GDAP2: variants seen among roughly 807,000 people sequenced by gnomAD.
The protein encoded by GDAP2 is ganglioside induced differentiation associated protein 2.
In GDAP2, 51 loss-of-function variants were observed where a neutral mutation model predicts 67.0. The observed-to-expected ratio is 0.76, with a 90% CI of 0.61 to 0.96. The LOEUF is 0.96. Among genes scored for constraint, GDAP2 ranks in the 40% least tolerant of loss-of-function variants. The probability of loss-of-function intolerance (pLI) is 0.00; values close to 1 mark genes in which losing one functional copy is unlikely to be tolerated. For missense variants in GDAP2, 547 were observed against 588.3 expected, an observed-to-expected ratio of 0.93 and a Z score of 0.73; for synonymous variants, 203 against 207.3, an observed-to-expected ratio of 0.98 and a Z score of 0.18.
At chr1:117,877,171 A>C (rs939172034) in intron 13 of GDAP2, 6 of 389,044 alleles carry the variant, frequency 1.5e-5, no homozygotes, top group African/African-American at 1.3e-4. Flanking sequence ...TTTACTCTGC[A>C]CATAAGGGGA....
intron 5 of GDAP2, among the ~76,000 whole-genome samples, chr1:117,910,278 A>G (rs968035920): frequency 1.3e-5 from 2 of 152,144 alleles, no homozygotes; most frequent in Non-Finnish European, 2.9e-5. Context: ...AACGGACACC[A>G]CACTACCTAA....
In GDAP2 at chr1:117,920,387, A is replaced by C. The variant is rs75592169; in HGVS notation, c.-30T>G. 1,988 of 1,488,708 alleles carry C rather than the reference A, an allele frequency of 1.3e-3. 22 individuals carry two copies. The African/African-American group carries it at 0.024, about 18-fold the overall frequency. The allele number at this position is 1,488,708 out of a possible 1,614,324, so 92.2% of individuals were successfully genotyped here. On this transcript the variant is annotated 5_prime_UTR_variant, in exon 2 of 14. Transcript: ENST00000369443. ...TGGGAACTTTGATTTGTCTTTTCCC[A>C]AAATCCTCAGCAATTCAATATTCAC... is the stretch of plus-strand genomic sequence containing the variant.
At chr1:117,884,181 T>G (rs550947327) in intron 10 of GDAP2, among the ~76,000 whole-genome samples, 1 of 152,124 alleles carries the variant, frequency 6.6e-6, no homozygotes, top group African/African-American at 2.4e-5. Flanking sequence ...TTAGTGCTGA[T>G]CTGAAGGAGG....
At chr1:117,911,387 T>C (rs1649851158) in intron 5 of GDAP2, among the ~76,000 whole-genome samples, 1 of 152,214 alleles carries the variant, frequency 6.6e-6, no homozygotes, top group Non-Finnish European at 1.5e-5. Flanking sequence ...GTTATACAAA[T>C]ATGATATCAT....
intron 2 of GDAP2, 113 bp downstream of exon 2, chr1:117,920,069 A>G (rs1650189899): frequency 6.4e-6 from 4 of 627,708 alleles, no homozygotes; most frequent in South Asian, 4.5e-5. Flanking sequence ...CAATAAAGTC[A>G]TATACGTATA....
chr1:117,868,732 A>G lies in GDAP2; in HGVS notation c.*1837T>C, dbSNP rs909211670. The G allele has an allele frequency of 6.6e-6, 1 of 152,044 alleles. No individual in the cohort carries two copies. The highest frequency in any genetic ancestry group is 1.5e-5 in the Non-Finnish European group (1 of 68,014). The allele number at this position is 152,044 out of a possible 1,614,324, so 9.4% of individuals were successfully genotyped here. A position where few individuals can be genotyped will look rare whatever the true frequency, so the allele number is the denominator to read the frequency against. On this transcript the variant is annotated 3_prime_UTR_variant, in exon 14 of 14. Transcript: ENST00000369443. ...TTAAAGTTGCAGACTTTTAAGGTAC[A>G]GTGCCCAAGGGGTTAAAAAAAAAGT...
chr1:117,906,691 A>T, intron 5 of GDAP2, 109 bp from the exon 6 acceptor site: 1 of 646,520 alleles, frequency 1.5e-6, no homozygotes, highest in South Asian at 1.9e-5. Flanking sequence ...TTCTCACTTC[A>T]TTCAGCACTC....
chr1:117,911,467 A>C (rs1649853035), intron 5 of GDAP2, among the ~76,000 whole-genome samples: 1 of 152,214 alleles, frequency 6.6e-6, no homozygotes, highest in Non-Finnish European at 1.5e-5. Flanking sequence ...TCAATGCATT[A>C]GCCATACTTT....
chr1:117,924,118 T>C (rs1489169678), intron 1 of GDAP2, among the ~76,000 whole-genome samples: 2 of 152,238 alleles, frequency 1.3e-5, no homozygotes, highest in Non-Finnish European at 1.5e-5. Context: ...TCTCTTCTTT[T>C]CTCTTAGTTC....
chr1:117,918,432 T>C (rs1364177271), intron 3 of GDAP2, among the ~76,000 whole-genome samples, 165 bp downstream of exon 3: 1 of 152,226 alleles, frequency 6.6e-6, no homozygotes, highest in Non-Finnish European at 1.5e-5. Context: ...CAAAATGTAA[T>C]GAATTTTGTT....
intron 8 of GDAP2, among the ~76,000 whole-genome samples, chr1:117,887,990 T>C (rs935505643): frequency 6.6e-6 from 1 of 152,132 alleles, no homozygotes; most frequent in African/African-American, 2.4e-5. Flanking sequence ...AAGGAAGGTG[T>C]TCATTATTTT....
intron 11 of GDAP2, 114 bp from the exon 12 acceptor site, chr1:117,881,991 T>A: frequency 1.6e-6 from 1 of 614,528 alleles, no homozygotes; most frequent in South Asian, 2.1e-5. Context: ...CAGAGAAAAA[T>A]AAAGACAGCT....
chr1:117,907,439 G>A (rs1018017769), intron 5 of GDAP2, among the ~76,000 whole-genome samples: 1 of 152,064 alleles, frequency 6.6e-6, no homozygotes, highest in Non-Finnish European at 1.5e-5. Flanking sequence ...AACTCACAGA[G>A]ACCTCAAATT....
chr1:117,907,195 G>A (rs927748096), intron 5 of GDAP2, among the ~76,000 whole-genome samples: 2 of 152,032 alleles, frequency 1.3e-5, no homozygotes, highest in Non-Finnish European at 1.5e-5. Flanking sequence ...TTAACTCATT[G>A]GATCTCTCCC....
chr1:117,888,629 T>C (rs1257252135), intron 8 of GDAP2, among the ~76,000 whole-genome samples: 1 of 152,102 alleles, frequency 6.6e-6, no homozygotes, highest in Non-Finnish European at 1.5e-5. Flanking sequence ...TACTTGATTG[T>C]GAAAACGCTT....
Position 117,918,975 on chromosome 1 carries a change from A to G in GDAP2, c.177-239T>C, listed in dbSNP as rs570180101. Among the ~76,000 whole-genome samples the G allele has an allele frequency of 2.0e-5, 3 of 152,342 alleles. No homozygotes were observed. The South Asian group carries it at 6.2e-4, about 32-fold the overall frequency. ...AACCACCATGTTTAGAAATAGCAGC[A>G]TTACTTATTATGGCCAGAGAGTGGA... On this transcript the variant is annotated intron_variant, in intron 2 of 13. Coordinates refer to ENST00000369443, the MANE Select transcript of GDAP2 (RefSeq NM_017686.4).
rs1014608611 is a variant in GDAP2, at chr1:117,866,293, A to G, written c.*4276T>C. 20 of 152,184 alleles carry G rather than the reference A, an allele frequency of 1.3e-4. No individual in the cohort carries two copies. Among genetic ancestry groups the G allele is most frequent in the Admixed American group, 1.0e-3 (16 of 15,280 alleles). The allele number at this position is 152,184 out of a possible 1,614,324, so 9.4% of individuals were successfully genotyped here. On this transcript the variant is annotated 3_prime_UTR_variant, in exon 14 of 14. Transcript: ENST00000369443. The stretch of plus-strand genomic sequence containing the variant: ...AAGTGAGAATACAGCAAGAAGCCAG[A>G]AGAGGGCCCTCATCAGGAATTGCGC...
intron 11 of GDAP2, 172 bp downstream of exon 11, chr1:117,883,316 A>G (rs1648731532): frequency 9.6e-6 from 5 of 521,324 alleles, no homozygotes; most frequent in South Asian, 5.6e-5. Flanking sequence ...TTAATGCAAA[A>G]TAAGTTTCAG....
chr1:117,879,501 C>G (rs1306626874), intron 12 of GDAP2, among the ~76,000 whole-genome samples: 3 of 152,008 alleles, frequency 2.0e-5, no homozygotes, highest in African/African-American at 7.2e-5. Context: ...ATGATAATGA[C>G]AATGATGATG....
Sources: gnomAD v4.1 joint callset for allele counts (sites outside exome capture counted in the v4.1 genomes callset) on GRCh38, gnomAD v4.1.1 for gene constraint, MANE v1.5 for transcripts, NCBI Gene and HGNC (gene_info 2026-07-23, HGNC 2026-07-21) for gene names.